DMD: variants seen among roughly 807,000 people sequenced by gnomAD.
The protein encoded by DMD is mutant dystrophin.
DMD carries 63 observed loss-of-function variants against 330.1 expected under a neutral mutation model. That is an observed-to-expected ratio of 0.19 (90% confidence interval 0.16 to 0.24). DMD has a LOEUF of 0.24. DMD is among the 10% of genes least tolerant of loss of function. DMD has a pLI of 1.00. For synonymous variants in DMD, 1,223 were observed against 959.8 expected (o/e 1.27, Z -5.07); for missense variants, 3,344 against 2,684.1 (o/e 1.25, Z -5.43).
intron 55 of DMD, among the ~76,000 whole-genome samples, chrX:31,605,080 T>C (rs1325932620): frequency 6.3e-5 from 7 of 111,829 alleles, no homozygotes; most frequent in African/African-American, 2.3e-4. Flanking sequence ...GTGGTTAGAA[T>C]GTCGCTCTCA....
In DMD at chrX:32,599,164, G is replaced by A. The variant is rs188842279; in HGVS notation, c.1483-3288C>T. Among the ~76,000 whole-genome samples the A allele has an allele frequency of 2.4e-4, 27 of 112,012 alleles. No homozygotes were observed. In the East Asian group the frequency reaches 5.0e-3, roughly 21 times the overall value. On this transcript the variant is annotated intron_variant, in intron 12 of 78. Transcript: ENST00000357033. ...AGTAAGCACGTCTCCTATTTTCTCA[G>A]ACTTCAAATGCGAAATAAATATTAG... is the stretch of plus-strand genomic sequence containing the variant.
intron 7 of DMD, among the ~76,000 whole-genome samples, chrX:32,779,757 T>C (rs981064227): frequency 9.7e-6 from 1 of 103,364 alleles, no homozygotes; most frequent in Admixed American, 1.1e-4. Context: ...TTAGGAGATA[T>C]ACCTAATGTT....
chrX:31,853,885 C>T (rs1224763188), intron 48 of DMD, among the ~76,000 whole-genome samples: 1 of 111,978 alleles, frequency 8.9e-6, no homozygotes, highest in Admixed American at 9.5e-5. Flanking sequence ...AGGCATTGGC[C>T]TCTGGGATGC....
At chrX:31,240,466 C>T (rs996118785) in intron 63 of DMD, among the ~76,000 whole-genome samples, 7 of 111,398 alleles carry the variant, frequency 6.3e-5, no homozygotes, top group African/African-American at 1.6e-4. Context: ...AAGTCATGTG[C>T]ACTTTTTTTA....
chrX:32,417,001 G>A (rs759535393), intron 29 of DMD, among the ~76,000 whole-genome samples: 4 of 111,878 alleles, frequency 3.6e-5, no homozygotes, highest in African/African-American at 6.5e-5. Context: ...ATACTGGTGG[G>A]TGTATATCAT....
chrX:33,311,212 TAATA>T (rs1044496517), intron 1 of DMD, among the ~76,000 whole-genome samples: 2 of 109,750 alleles, frequency 1.8e-5, no homozygotes, highest in African/African-American at 6.6e-5. Flanking sequence ...CACTTAACTA[TAATA>T]TATATATACA....
intron 15 of DMD, among the ~76,000 whole-genome samples, chrX:32,570,387 G>T (rs1032617270): frequency 1.0e-5 from 1 of 97,327 alleles, no homozygotes; most frequent in Non-Finnish European, 2.0e-5. Context: ...AAGACCTATA[G>T]AAAACATATT....
At chrX:31,966,478 G>A (rs970051481) in intron 45 of DMD, among the ~76,000 whole-genome samples, 15 of 109,214 alleles carry the variant, frequency 1.4e-4, no homozygotes, top group Admixed American at 4.9e-4. Flanking sequence ...AAAATGTAGC[G>A]TGAAATAGAC....
intron 49 of DMD, among the ~76,000 whole-genome samples, chrX:31,823,871 G>T (rs760115285): frequency 9.0e-6 from 1 of 111,597 alleles, no homozygotes; most frequent in East Asian, 2.8e-4. Context: ...ACCACACCCA[G>T]CCTTATTAGG....
At chrX:32,869,735 T>G (rs1590201) in intron 2 of DMD, among the ~76,000 whole-genome samples, 2 of 108,438 alleles carry the variant, frequency 1.8e-5, no homozygotes, top group South Asian at 4.0e-4. Context: ...CGCAGAAAAG[T>G]CTTGATAAAA....
At chrX:33,268,442 A>G (rs1415422551) in intron 1 of DMD, among the ~76,000 whole-genome samples, 2 of 112,045 alleles carry the variant, frequency 1.8e-5, no homozygotes, top group Non-Finnish European at 1.9e-5. Context: ...AAATATTCAC[A>G]AACTGTGCAC....
chrX:32,085,591 T>C (rs1227359206), intron 44 of DMD, among the ~76,000 whole-genome samples: 1 of 94,913 alleles, frequency 1.1e-5, no homozygotes, highest in African/African-American at 3.8e-5. Context: ...CACACACACA[T>C]ATATGTATAT....
At chrX:31,430,594 A>G (rs1025121492) in intron 60 of DMD, among the ~76,000 whole-genome samples, 5 of 110,596 alleles carry the variant, frequency 4.5e-5, no homozygotes, top group African/African-American at 9.9e-5. Flanking sequence ...TTTATGTGGC[A>G]CTGAGATACT....
intron 1 of DMD, among the ~76,000 whole-genome samples, chrX:33,220,250 G>T (rs767071614): frequency 6.3e-5 from 7 of 111,333 alleles, no homozygotes; most frequent in African/African-American, 2.0e-4. Context: ...TGCAAAATGG[G>T]TGTGGTAGCG....
At chrX:32,464,192 T>A (rs2098393292) in intron 24 of DMD, among the ~76,000 whole-genome samples, 1 of 112,003 alleles carries the variant, frequency 8.9e-6, no homozygotes, top group Non-Finnish European at 1.9e-5. Context: ...CAAAGGATTC[T>A]TTACCTTTAA....
intron 2 of DMD, among the ~76,000 whole-genome samples, chrX:32,859,461 T>TCACA (rs35537635): frequency 0.017 from 1,466 of 85,992 alleles, 20 homozygotes; most frequent in Middle Eastern, 0.038. Context: ...AAGCAAGATC[T>TCACA]CACACACACA....
chrX:31,123,791 C>T (rs776977940), intron 78 of DMD, among the ~76,000 whole-genome samples: 7 of 111,768 alleles, frequency 6.3e-5, no homozygotes, highest in South Asian at 3.8e-4. Context: ...TGTAGTCCAC[C>T]TAGTAGCTAG....
At chrX:33,291,785 A>G (rs2053515587) in intron 1 of DMD, among the ~76,000 whole-genome samples, 1 of 111,121 alleles carries the variant, frequency 9.0e-6, no homozygotes. Flanking sequence ...AATATTTTTC[A>G]ATAGTTTCTG....
chrX:31,289,275 A>G (rs1388033837), intron 62 of DMD, among the ~76,000 whole-genome samples: 1 of 79,275 alleles, frequency 1.3e-5, no homozygotes, highest in Admixed American at 1.3e-4. Flanking sequence ...ATAAAAAATA[A>G]AATAAAATCC....
Sources: gnomAD v4.1 joint callset for allele counts (sites outside exome capture counted in the v4.1 genomes callset) on GRCh38, gnomAD v4.1.1 for gene constraint, MANE v1.5 for transcripts, NCBI Gene and HGNC (gene_info 2026-07-23, HGNC 2026-07-21) for gene names.